The following MAF variants were observed in gnomAD, a reference collection of about 807,000 sequenced individuals.
MAF encodes the protein transcription factor Maf.
In MAF, 10 loss-of-function variants were observed where a neutral mutation model predicts 22.0. The ratio of observed to expected loss-of-function variants is 0.45; its 90% CI spans 0.28 to 0.77. The LOEUF (loss-of-function observed/expected upper bound fraction) is 0.77, where lower values mean the gene tolerates loss of function less well. Ranked by LOEUF, MAF falls within the 30% of genes least tolerant of loss-of-function variation. The pLI is 0.12. For missense variants in MAF, 544 were observed against 548.4 expected, an observed-to-expected ratio of 0.99 and a Z score of 0.08; for synonymous variants, 337 against 255.8, an observed-to-expected ratio of 1.32 and a Z score of -3.03.
chr16:79,478,316 C>A, the MAF span, among the ~76,000 whole-genome samples: 14 of 152,326 alleles, frequency 9.2e-5, no homozygotes, highest in African/African-American at 2.9e-4. Flanking sequence ...CCTATTTTCT[C>A]ATTTTATAGA....
At chr16:79,218,121 C>T in the MAF span, among the ~76,000 whole-genome samples, 1 of 148,070 alleles carries the variant, frequency 6.8e-6, no homozygotes, top group African/African-American at 2.5e-5. Flanking sequence ...AGTAATATCA[C>T]AAATTATTAT....
the MAF span, among the ~76,000 whole-genome samples, chr16:79,313,707 T>G: frequency 6.6e-6 from 1 of 152,166 alleles, no homozygotes; most frequent in South Asian, 2.1e-4. Context: ...TGTGGAACCC[T>G]AAGCCCCAGT....
the MAF span, among the ~76,000 whole-genome samples, chr16:79,408,085 A>AAAAAC: frequency 1.3e-5 from 2 of 148,906 alleles, no homozygotes; most frequent in African/African-American, 2.4e-5. Flanking sequence ...TTTCAAAAAA[A>AAAAAC]AAAAAAAAAA....
the MAF span, among the ~76,000 whole-genome samples, chr16:79,425,624 C>T: frequency 6.6e-6 from 1 of 152,040 alleles, no homozygotes; most frequent in Non-Finnish European, 1.5e-5. Context: ...CCAAACCAAA[C>T]CAAATCACCA....
At chr16:79,211,460 T>C in the MAF span, 15 of 979,274 alleles carry the variant, frequency 1.5e-5, no homozygotes, top group East Asian at 3.9e-4. Context: ...AGTCATGTGC[T>C]TTCAGCCCAG....
At chr16:79,415,714 C>T in the MAF span, among the ~76,000 whole-genome samples, 1 of 151,822 alleles carries the variant, frequency 6.6e-6, no homozygotes, top group African/African-American at 2.4e-5. Context: ...TTAGAAAGGG[C>T]ATGGGCTTTG....
At chr16:79,472,084 G>T in the MAF span, among the ~76,000 whole-genome samples, 1 of 152,090 alleles carries the variant, frequency 6.6e-6, no homozygotes, top group Non-Finnish European at 1.5e-5. Context: ...CTTTGCTCTG[G>T]AATGGTTTAC....
chr16:79,310,166 G>A, the MAF span, among the ~76,000 whole-genome samples: 19,828 of 152,180 alleles, frequency 0.13, 1,498 homozygotes, highest in African/African-American at 0.2. Context: ...ATTGGCACAA[G>A]GTTCAGCCAC....
the MAF span, among the ~76,000 whole-genome samples, chr16:79,233,665 G>T: frequency 6.6e-6 from 1 of 152,026 alleles, no homozygotes; most frequent in South Asian, 2.1e-4. Flanking sequence ...ATGTAATATT[G>T]ACATTTGAAA....
chr16:79,432,228 C>T, the MAF span, among the ~76,000 whole-genome samples: 4 of 152,162 alleles, frequency 2.6e-5, no homozygotes, highest in African/African-American at 9.7e-5. Flanking sequence ...CTCTCTCCTG[C>T]CGCCCTGTGA....
At chr16:79,233,086 C>G in the MAF span, among the ~76,000 whole-genome samples, 1 of 151,800 alleles carries the variant, frequency 6.6e-6, no homozygotes, top group Non-Finnish European at 1.5e-5. Flanking sequence ...ATGATCTGCC[C>G]ACCTCGGCCT....
At chr16:79,405,651 G>A in the MAF span, among the ~76,000 whole-genome samples, 1 of 152,140 alleles carries the variant, frequency 6.6e-6, no homozygotes, top group African/African-American at 2.4e-5. Flanking sequence ...AGGTCCTGAA[G>A]AAAGACTTCG....
chr16:79,392,950 T>C, the MAF span, among the ~76,000 whole-genome samples: 1 of 152,136 alleles, frequency 6.6e-6, no homozygotes, highest in Non-Finnish European at 1.5e-5. Context: ...GTGGACTCAT[T>C]CCATTCCAGG....
the MAF span, among the ~76,000 whole-genome samples, chr16:79,438,406 G>A: frequency 6.6e-6 from 1 of 152,148 alleles, no homozygotes; most frequent in African/African-American, 2.4e-5. Context: ...AATATTAACT[G>A]GGGCATGTGG....
chr16:79,457,433 C>G, the MAF span, among the ~76,000 whole-genome samples: 1 of 145,384 alleles, frequency 6.9e-6, no homozygotes, highest in African/African-American at 2.5e-5. Flanking sequence ...GACAATGTTA[C>G]TACAAGGAAT....
the MAF span, among the ~76,000 whole-genome samples, chr16:79,207,752 A>G: frequency 6.6e-6 from 1 of 152,162 alleles, no homozygotes; most frequent in East Asian, 1.9e-4. Context: ...ATATTAGAGT[A>G]CTAACCAATG....
the MAF span, among the ~76,000 whole-genome samples, chr16:79,401,364 T>C: frequency 3.9e-5 from 6 of 152,168 alleles, no homozygotes; most frequent in African/African-American, 1.4e-4. Context: ...CTAGACCCCA[T>C]GAACGGTCAT....
the MAF span, among the ~76,000 whole-genome samples, chr16:79,497,330 C>G: frequency 1.3e-5 from 2 of 152,098 alleles, no homozygotes; most frequent in Admixed American, 1.3e-4. Context: ...CCTTTTTTAC[C>G]AGGATGGATC....
chr16:79,599,989 G>A lies in MAF; in HGVS notation c.-87C>T, dbSNP rs1913911745. On this transcript the variant is annotated 5_prime_UTR_variant, in exon 1 of 2. Coordinates refer to ENST00000326043, the MANE Select transcript of MAF (RefSeq NM_005360.5). ...AGCGGGCTGTGCTGGGTGGCCAGCG[G>A]GTGAGCCAGCTTGCCGGGCTGGGGC... is the stretch of plus-strand genomic sequence containing the variant. 1.3e-6 allele frequency: 2 copies of A among 1,575,880 alleles called. No individual in the cohort carries two copies. Among genetic ancestry groups the A allele is most frequent in the East Asian group, 2.3e-5 (1 of 44,396 alleles).
Sources: gnomAD v4.1 joint callset for allele counts (sites outside exome capture counted in the v4.1 genomes callset) on GRCh38, gnomAD v4.1.1 for gene constraint, MANE v1.5 for transcripts, NCBI Gene and HGNC (gene_info 2026-07-23, HGNC 2026-07-21) for gene names.